Variants in KYAT1 observed in about 807,000 individuals in gnomAD.
KYAT1 encodes kynurenine--oxoglutarate transaminase 1.
A neutral mutation model predicts 52.4 loss-of-function variants in KYAT1; 47 were observed. That is an observed-to-expected ratio of 0.90 (90% CI 0.71 to 1.14). KYAT1 has a LOEUF of 1.14. Among genes scored for constraint, KYAT1 ranks in the 50% most tolerant of loss-of-function variants. The pLI, the probability that KYAT1 is intolerant of heterozygous loss-of-function variation, is 0.00. For synonymous variants in KYAT1, 212 were observed against 209.6 expected (o/e 1.01, Z -0.10); for missense variants, 480 against 557.9 (o/e 0.86, Z 1.41).
At chr9:128,852,542 G>A (rs1404303304) in intron 1 of KYAT1, among the ~76,000 whole-genome samples, 2 of 152,276 alleles carry the variant, frequency 1.3e-5, no homozygotes, top group South Asian at 2.1e-4. Context: ...TTTGTGTGCT[G>A]CAGAAACAAG....
At chr9:128,864,365 C>CAAA (rs35129459) in intron 1 of KYAT1, among the ~76,000 whole-genome samples, 38 of 74,730 alleles carry the variant, frequency 5.1e-4, no homozygotes, top group South Asian at 1.2e-3. Context: ...GACTCTGTCT[C>CAAA]AAAAAAAAAA....
At chr9:128,858,170 G>T (rs905525250) in intron 1 of KYAT1, among the ~76,000 whole-genome samples, 6 of 151,906 alleles carry the variant, frequency 3.9e-5, no homozygotes, top group African/African-American at 1.2e-4. Flanking sequence ...GCTGAGGTGG[G>T]TGGGTCACCT....
intron 1 of KYAT1, among the ~76,000 whole-genome samples, chr9:128,867,572 G>A (rs557158965): frequency 1.1e-3 from 170 of 152,272 alleles, no homozygotes; most frequent in African/African-American, 4.1e-3. Context: ...AAAAAAACTG[G>A]AGGCAATCTG....
intron 3 of KYAT1, among the ~76,000 whole-genome samples, chr9:128,841,758 G>A (rs2119086370): frequency 6.6e-6 from 1 of 151,656 alleles, no homozygotes; most frequent in South Asian, 2.1e-4. Context: ...AGCACTTTTG[G>A]AGGCCGAGGT....
intron 1 of KYAT1, among the ~76,000 whole-genome samples, chr9:128,863,413 G>T (rs1258876845): frequency 6.6e-6 from 1 of 151,404 alleles, no homozygotes; most frequent in African/African-American, 2.4e-5. Flanking sequence ...TGGGCAGATC[G>T]CTTGAGCTCA....
At position 128,874,662 on chromosome 9, in the gene KYAT1, A is replaced by G. The variant is rs117286984; in HGVS notation, c.-7+7235T>C. On this transcript the variant is annotated intron_variant, in intron 1 of 12. Transcript: ENST00000302586. ...CATCCTTAGTCATCCTTTGTTTTCA[A>G]TGTTGTGAAATATCTCTGGGAGTTC... Among the ~76,000 whole-genome samples the G allele has an allele frequency of 3.9e-4, 58 of 149,392 alleles. No homozygotes were observed. In the East Asian group the frequency reaches 0.01, roughly 26 times the overall value.
intron 12 of KYAT1, 46 bp from the exon 13 acceptor site, chr9:128,833,689 C>T (rs777330481): frequency 3.8e-5 from 61 of 1,613,164 alleles, no homozygotes; most frequent in South Asian, 1.5e-4. Flanking sequence ...TGTGCCCAGC[C>T]GGCCTTGGGA....
chr9:128,873,509 C>T (rs1837536279), intron 1 of KYAT1, among the ~76,000 whole-genome samples: 1 of 152,128 alleles, frequency 6.6e-6, no homozygotes, highest in Non-Finnish European at 1.5e-5. Flanking sequence ...ATGGCTCACT[C>T]CTGTAATCCC....
intron 1 of KYAT1, among the ~76,000 whole-genome samples, chr9:128,850,807 T>C (rs1040983372): frequency 1.3e-5 from 2 of 152,214 alleles, no homozygotes; most frequent in South Asian, 2.1e-4. Flanking sequence ...AATTCTGAGA[T>C]AGGAGAAAAA....
intron 1 of KYAT1, among the ~76,000 whole-genome samples, chr9:128,877,751 T>TAGAATTTG (rs1263058897): frequency 1.3e-5 from 2 of 152,156 alleles, no homozygotes; most frequent in African/African-American, 4.8e-5. Context: ...GGGGCACACT[T>TAGAATTTG]AGAATTTGAG....
chr9:128,833,646 G>A lies in KYAT1; in HGVS notation c.1210-3C>T. 1 of 1,614,212 alleles carries A rather than the reference G, an allele frequency of 6.2e-7. No individual in the cohort carries two copies. Among genetic ancestry groups the A allele is most frequent in the Non-Finnish European group, 8.5e-7 (1 of 1,180,038 alleles). ...ATGGCCTGGAGCGTGGCTTCATCCT[G>A]CGCCAGCACAGATTAGTCCTACACT... is the stretch of plus-strand genomic sequence containing the variant. On this transcript the variant is annotated splice_region_variant and splice_polypyrimidine_tract_variant and intron_variant, in intron 12 of 12. Transcript: ENST00000302586.
In KYAT1 at chr9:128,845,351, AC is replaced by A. The variant is rs1331918728; in HGVS notation, c.53+1del. 1.9e-6 allele frequency: 3 copies of A among 1,613,452 alleles called. No homozygotes were observed. In the African/African-American group the frequency reaches 4.0e-5, roughly 22 times the overall value. On this transcript the variant is annotated splice_donor_variant, in intron 2 of 12. Coordinates refer to ENST00000302586, the MANE Select transcript of KYAT1 (RefSeq NM_004059.5). LOFTEE classifies it high-confidence loss of function. ...CACACCTCCCCAGCCCAGCTGGCTCACCAGGGGTTGTAGTCGATCCCGTCTA... is the reference window on the plus strand; with the variant it reads ...CACACCTCCCCAGCCCAGCTGGCTCACAGGGGTTGTAGTCGATCCCGTCTA...
chr9:128,872,494 G>A (rs978577088), intron 1 of KYAT1, among the ~76,000 whole-genome samples: 6 of 149,704 alleles, frequency 4.0e-5, no homozygotes, highest in Admixed American at 1.3e-4. Flanking sequence ...GAGGCCAGGC[G>A]CAGTGGCTCA....
At position 128,835,854 on chromosome 9, in the gene KYAT1, C is replaced by T. The variant is rs762606831; in HGVS notation, c.780G>A (p.Leu260=). The change falls in exon 9 of 13, where the codon CTG becomes CTA. Residue 260 remains leucine (L), a synonymous_variant. Coordinates refer to ENST00000302586, the MANE Select transcript of KYAT1 (RefSeq NM_004059.5). ...GGTGCTTCATGATGTGATCTGGACC[C>T]AGGACCCAGCCCACCTGCAGCAGGG... ...SATGWKVGWV[L]GPDHIMKHLR... The T allele has an allele frequency of 6.2e-7, 1 of 1,614,084 alleles. No homozygotes were observed. Among genetic ancestry groups the T allele is most frequent in the Non-Finnish European group, 8.5e-7 (1 of 1,179,980 alleles).
At chr9:128,849,248 C>T (rs188068181) in intron 1 of KYAT1, among the ~76,000 whole-genome samples, 6 of 146,324 alleles carry the variant, frequency 4.1e-5, no homozygotes, top group East Asian at 2.1e-4. Context: ...CCCATTTCTA[C>T]GAAAAATACA....
At chr9:128,862,213 G>C (rs1354667388) in intron 1 of KYAT1, among the ~76,000 whole-genome samples, 3 of 152,166 alleles carry the variant, frequency 2.0e-5, no homozygotes, top group Non-Finnish European at 4.4e-5. Context: ...GTGTTGCCCA[G>C]GCTTGTCTCA....
intron 3 of KYAT1, among the ~76,000 whole-genome samples, 198 bp from the exon 4 acceptor site, chr9:128,838,565 A>G (rs963079085): frequency 1.3e-5 from 2 of 152,128 alleles, no homozygotes; most frequent in African/African-American, 4.8e-5. Context: ...TATTTGTGGG[A>G]TTTCTTTGAT....
intron 1 of KYAT1, among the ~76,000 whole-genome samples, chr9:128,850,254 A>G (rs551794224): frequency 6.6e-6 from 1 of 152,032 alleles, no homozygotes; most frequent in African/African-American, 2.4e-5. Flanking sequence ...AAAGAAAGAG[A>G]GATCAGACTG....
intron 1 of KYAT1, among the ~76,000 whole-genome samples, chr9:128,850,115 C>T (rs1833747079): frequency 6.6e-6 from 1 of 151,678 alleles, no homozygotes; most frequent in African/African-American, 2.4e-5. Context: ...GAACTCCTGG[C>T]CTGAAGTTGT....
Sources: allele counts gnomAD v4.1 joint callset (sites outside exome capture counted in the v4.1 genomes callset), GRCh38; gene constraint gnomAD v4.1.1; transcripts MANE v1.5; gene names NCBI Gene and HGNC (gene_info 2026-07-23, HGNC 2026-07-21).